Variants in CSRNP3 observed in about 807,000 individuals in gnomAD.
The protein encoded by CSRNP3 is cysteine/serine-rich nuclear protein 3.
CSRNP3 carries 12 observed loss-of-function variants against 48.0 expected under a neutral mutation model. The observed-to-expected ratio is 0.25, with a 90% confidence interval of 0.16 to 0.41. The LOEUF is 0.41. CSRNP3 is among the 10% of genes least tolerant of loss of function. The pLI, the probability that CSRNP3 is intolerant of heterozygous loss-of-function variation, is 1.00. For synonymous variants in CSRNP3, 263 were observed against 269.7 expected, an observed-to-expected ratio of 0.98 and a Z score of 0.24; for missense variants, 580 against 724.4, an observed-to-expected ratio of 0.80 and a Z score of 2.29.
Position 165,657,911 on chromosome 2 carries a change from G to A in CSRNP3, c.299G>A (p.Ser100Asn). 1 of 1,614,134 alleles carries A rather than the reference G, an allele frequency of 6.2e-7. No homozygotes were observed. The highest frequency in any genetic ancestry group is 8.5e-7 in the Non-Finnish European group (1 of 1,180,008). ...STLGMSSRHN[S>N]VRQYTLGEFA... Reference sequence around the variant, plus strand: ...CTGGGGATGTCCAGCCGCCATAACAGCGTGCGCCAGTACACTCTTGGCGAG... The same window carrying A: ...CTGGGGATGTCCAGCCGCCATAACAACGTGCGCCAGTACACTCTTGGCGAG... Residue 100 changes from serine to asparagine, a missense_variant, in exon 5 of 7, where the codon AGC becomes AAC. This residue lies in a region of CSRNP3 where 83 missense variants were observed against 139.6 expected (regional missense o/e 0.59). Transcript: ENST00000651982.
chr2:165,625,802 G>A (rs1336126987), intron 4 of CSRNP3, among the ~76,000 whole-genome samples: 1 of 150,568 alleles, frequency 6.6e-6, no homozygotes, highest in African/African-American at 2.4e-5. Context: ...GTGCAGAGGC[G>A]GGCACCTATA....
chr2:165,538,996 G>A (rs1684918387), intron 3 of CSRNP3, among the ~76,000 whole-genome samples: 3 of 151,886 alleles, frequency 2.0e-5, no homozygotes, highest in African/African-American at 7.3e-5. Context: ...TCATGCTACA[G>A]GAAGCATGAG....
At position 165,682,067 on chromosome 2, in the gene CSRNP3, G is replaced by A. The variant is rs1687557199; in HGVS notation, c.*2314G>A. On this transcript the variant is annotated 3_prime_UTR_variant, in exon 7 of 7. Coordinates refer to ENST00000651982, the MANE Select transcript of CSRNP3 (RefSeq NM_001172173.2). ...TGAGGTTATTCTTGGAACACAGAGT[G>A]TGGGAGAGTGGGGAAGAGCCAGCTC... 1.3e-5 allele frequency: 2 copies of A among 151,950 alleles called. No homozygotes were observed. The highest frequency in any genetic ancestry group is 1.3e-4 in the Admixed American group (2 of 15,212). 9.4% of individuals were successfully genotyped at this position (151,950 alleles called of 1,614,324 possible).
chr2:165,537,652 T>C (rs1016335861), intron 3 of CSRNP3, among the ~76,000 whole-genome samples: 1 of 151,754 alleles, frequency 6.6e-6, no homozygotes, highest in Non-Finnish European at 1.5e-5. Flanking sequence ...ATTTCATTTA[T>C]AGTACATCAA....
At chr2:165,618,954 C>G (rs1686294873) in intron 4 of CSRNP3, among the ~76,000 whole-genome samples, 1 of 152,168 alleles carries the variant, frequency 6.6e-6, no homozygotes, top group South Asian at 2.1e-4. Context: ...GAATACACTT[C>G]TTTTCATTTA....
intron 1 of CSRNP3, among the ~76,000 whole-genome samples, chr2:165,480,800 A>C (rs1684030709): frequency 6.8e-6 from 1 of 146,194 alleles, no homozygotes; most frequent in Non-Finnish European, 1.5e-5. Context: ...TAATATATAT[A>C]ATATAAAAAT....
At chr2:165,530,885 A>G (rs1684801262) in intron 3 of CSRNP3, among the ~76,000 whole-genome samples, 1 of 150,952 alleles carries the variant, frequency 6.6e-6, no homozygotes. Context: ...AAGAAAATGT[A>G]TAGTATGAGA....
At position 165,531,626 on chromosome 2, in the gene CSRNP3, C is replaced by A. The variant is rs557593024; in HGVS notation, c.-24+13665C>A. 1.2e-3 allele frequency among the ~76,000 whole-genome samples: 178 copies of A among 152,128 alleles called. 1 individual carries two copies. Among genetic ancestry groups the A allele is most frequent in the African/African-American group, 4.0e-3 (168 of 41,496 alleles). On this transcript the variant is annotated intron_variant, in intron 3 of 6. Coordinates refer to ENST00000651982, the MANE Select transcript of CSRNP3 (RefSeq NM_001172173.2). ...CTGCATAGTATTTCATGGTGTGACA[C>A]CCTAACATCACAATTAAAAGAACTA...
chr2:165,659,179 G>A (rs1313677126), intron 5 of CSRNP3, among the ~76,000 whole-genome samples: 1 of 152,174 alleles, frequency 6.6e-6, no homozygotes, highest in Non-Finnish European at 1.5e-5. Context: ...GTTGAGACGG[G>A]ATGGAATATA....
At chr2:165,480,345 T>A (rs1425836936) in intron 1 of CSRNP3, among the ~76,000 whole-genome samples, 1 of 152,148 alleles carries the variant, frequency 6.6e-6, no homozygotes, top group African/African-American at 2.4e-5. Context: ...AACATAGACA[T>A]AACACAATCG....
chr2:165,668,975 C>T (rs1432289086), intron 5 of CSRNP3, among the ~76,000 whole-genome samples: 32 of 152,104 alleles, frequency 2.1e-4, no homozygotes, highest in Admixed American at 2.0e-3. Context: ...TTATATTCTC[C>T]GAACTTCAAT....
rs1470542788 is a variant in CSRNP3 at position 165,595,056 on chromosome 2, C to T, written c.-10C>T. 1 of 1,613,912 alleles carries T rather than the reference C, an allele frequency of 6.2e-7. No individual in the cohort carries two copies. Among genetic ancestry groups the T allele is most frequent in the East Asian group, 2.2e-5 (1 of 44,872 alleles). On this transcript the variant is annotated 5_prime_UTR_variant, in exon 4 of 7. Transcript: ENST00000651982. ...TTCCTGTTACAGGTACATGTGACAGCACTGCAGCGATGAGTGGAATTTTAA... is the reference window on the plus strand; with the variant it reads ...TTCCTGTTACAGGTACATGTGACAGTACTGCAGCGATGAGTGGAATTTTAA...
In CSRNP3 at chr2:165,686,491, C is replaced by A. The variant is rs1687633110; in HGVS notation, c.*6738C>A. ...TAAAGATCTATATACATTTTTGCAA[C>A]TTTATTTAATAAAAAAGAGAAGAAA... On this transcript the variant is annotated 3_prime_UTR_variant, in exon 7 of 7. Transcript: ENST00000651982. The A allele has an allele frequency of 6.8e-6, 1 of 147,380 alleles. No homozygotes were observed. The highest frequency in any genetic ancestry group is 1.5e-5 in the Non-Finnish European group (1 of 65,844). The allele number at this position is 147,380 out of a possible 1,614,324, so 9.1% of individuals were successfully genotyped here.
At chr2:165,599,675 G>C (rs2105299856) in intron 4 of CSRNP3, among the ~76,000 whole-genome samples, 1 of 152,246 alleles carries the variant, frequency 6.6e-6, no homozygotes, top group Non-Finnish European at 1.5e-5. Flanking sequence ...TTATTTGCTA[G>C]TCCAAAAATT....
chr2:165,657,628 A>G, intron 4 of CSRNP3, 133 bp from the exon 5 acceptor site: 1 of 985,750 alleles, frequency 1.0e-6, no homozygotes, highest in East Asian at 2.5e-5. Flanking sequence ...ACTCTGGGAT[A>G]TAACAGTTTT....
Position 165,687,275 on chromosome 2 carries a change from C to G in CSRNP3, c.*7522C>G, listed in dbSNP as rs1247714219. On this transcript the variant is annotated 3_prime_UTR_variant, in exon 7 of 7. Coordinates refer to ENST00000651982, the MANE Select transcript of CSRNP3 (RefSeq NM_001172173.2). ...CAGAGACAATGGTCTGTAACATGAC[C>G]AACTTTTGACAAATATGGCTGTACT... 3 of 152,012 alleles carry G rather than the reference C, an allele frequency of 2.0e-5. No homozygotes were observed. The highest frequency in any genetic ancestry group is 4.4e-5 in the Non-Finnish European group (3 of 67,984). 9.4% of individuals were successfully genotyped at this position (152,012 alleles called of 1,614,324 possible). A position where few individuals can be genotyped will look rare whatever the true frequency, so the allele number is the denominator to read the frequency against.
intron 4 of CSRNP3, among the ~76,000 whole-genome samples, chr2:165,607,450 C>G (rs747703351): frequency 1.4e-4 from 21 of 152,136 alleles, no homozygotes; most frequent in Non-Finnish European, 2.4e-4. Flanking sequence ...ATTACCAAGT[C>G]TTAAAAGTAG....
intron 5 of CSRNP3, among the ~76,000 whole-genome samples, chr2:165,669,899 G>A (rs975554268): frequency 6.6e-6 from 1 of 152,220 alleles, no homozygotes; most frequent in East Asian, 1.9e-4. Context: ...CATGCATACA[G>A]AGATAGGATA....
intron 5 of CSRNP3, among the ~76,000 whole-genome samples, chr2:165,664,943 G>A (rs911614822): frequency 6.6e-5 from 10 of 152,142 alleles, no homozygotes; most frequent in South Asian, 2.1e-4. Context: ...CCAAAATTTT[G>A]TAACATCTCC....
Sources: gnomAD v4.1 joint callset for allele counts (sites outside exome capture counted in the v4.1 genomes callset) on GRCh38, gnomAD v4.1.1 for gene constraint, gnomAD v4.1.1 regional missense constraint, MANE v1.5 for transcripts, NCBI Gene and HGNC (gene_info 2026-07-23, HGNC 2026-07-21) for gene names.